Variants in DENND1A observed in about 807,000 individuals in gnomAD.
The protein encoded by DENND1A is DENN domain-containing protein 1A.
DENND1A carries 51 observed loss-of-function variants against 113.7 expected under a neutral mutation model. The observed-to-expected ratio is 0.45, with a 90% confidence interval of 0.36 to 0.57. The LOEUF is 0.57. DENND1A is among the 20% of genes least tolerant of loss of function. The pLI, the probability that DENND1A is intolerant of heterozygous loss-of-function variation, is 0.00. For synonymous variants in DENND1A, 565 were observed against 570.8 expected (o/e 0.99, Z 0.14); for missense variants, 1,258 against 1,395.9 (o/e 0.90, Z 1.57).
chr9:123,667,447 T>A (rs2063545656), intron 7 of DENND1A, among the ~76,000 whole-genome samples: 1 of 152,222 alleles, frequency 6.6e-6, no homozygotes, highest in African/African-American at 2.4e-5. Context: ...AAACCCCGTT[T>A]ATACTGAAAA....
chr9:123,448,373 G>A lies in DENND1A; in HGVS notation c.1356+2320C>T, dbSNP rs115720129. ...GGCCAGAGGCTTGCACATACAAGTA[G>A]GGAGGTAAGGTGATGTCTGTAGCTT... On this transcript the variant is annotated intron_variant, in intron 18 of 23. Coordinates refer to ENST00000394215, the MANE Select transcript of DENND1A (RefSeq NM_001352964.2). 7.3e-3 allele frequency among the ~76,000 whole-genome samples: 1,116 copies of A among 152,332 alleles called. 13 individuals are homozygous for A. Among genetic ancestry groups the A allele is most frequent in the African/African-American group, 0.025 (1,053 of 41,566 alleles).
At position 123,395,234 on chromosome 9, in the gene DENND1A, C is replaced by T. The variant is rs543412523; in HGVS notation, c.1632-7376G>A. On this transcript the variant is annotated intron_variant, in intron 21 of 23. Coordinates refer to ENST00000394215, the MANE Select transcript of DENND1A (RefSeq NM_001352964.2). ...TCCCCAAGGCTTGGTTTCCAGTTAA[C>T]TCCCTGTGGTGACAGCTCCTGGGAA... 5.9e-5 allele frequency among the ~76,000 whole-genome samples: 9 copies of T among 152,260 alleles called. No individual in the cohort carries two copies. The South Asian group carries it at 1.9e-3, about 32-fold the overall frequency.
At chr9:123,612,102 A>G (rs975561364) in intron 10 of DENND1A, among the ~76,000 whole-genome samples, 2 of 152,234 alleles carry the variant, frequency 1.3e-5, no homozygotes, top group Admixed American at 6.5e-5. Context: ...TTTTGTATGA[A>G]TGCAAATTTG....
chr9:123,462,962 T>TCGTC (rs2048648818), intron 13 of DENND1A, among the ~76,000 whole-genome samples: 1 of 152,108 alleles, frequency 6.6e-6, no homozygotes, highest in South Asian at 2.1e-4. Context: ...TCCCACCAGC[T>TCGTC]CGTCCACCTG....
chr9:123,719,767 T>C (rs557876081), intron 5 of DENND1A, among the ~76,000 whole-genome samples: 81 of 152,344 alleles, frequency 5.3e-4, no homozygotes, highest in Non-Finnish European at 9.8e-4. Context: ...GGTACTTCTA[T>C]AGAATATTTT....
At chr9:123,515,343 G>A (rs1315742550) in intron 13 of DENND1A, among the ~76,000 whole-genome samples, 7 of 152,136 alleles carry the variant, frequency 4.6e-5, no homozygotes, top group African/African-American at 1.4e-4. Flanking sequence ...TCTTGAGAAC[G>A]ATAATGGCTT....
intron 1 of DENND1A, among the ~76,000 whole-genome samples, chr9:123,929,669 G>A (rs530779515): frequency 6.6e-6 from 1 of 151,888 alleles, no homozygotes; most frequent in African/African-American, 2.4e-5. Context: ...AGGTGAGGAG[G>A]GGACACCTGA....
At chr9:123,485,540 C>T (rs1247582885) in intron 13 of DENND1A, 3 of 152,148 alleles carry the variant, frequency 2.0e-5, no homozygotes, top group Middle Eastern at 3.4e-3. Flanking sequence ...AGGGCTCCCC[C>T]ACCTGAGTAC....
At chr9:123,761,114 ACT>A (rs1160250748) in intron 4 of DENND1A, among the ~76,000 whole-genome samples, 1 of 152,156 alleles carries the variant, frequency 6.6e-6, no homozygotes, top group Non-Finnish European at 1.5e-5. Context: ...TTAATTTCCT[ACT>A]CTCTTTTTAT....
At chr9:123,828,653 A>G (rs2132725456) in intron 2 of DENND1A, among the ~76,000 whole-genome samples, 1 of 151,388 alleles carries the variant, frequency 6.6e-6, no homozygotes, top group African/African-American at 2.4e-5. Context: ...AAAAAAAAAG[A>G]AAAAAAAATT....
In DENND1A at chr9:123,381,978, C is replaced by T. The variant is rs1270814111; in HGVS notation, c.2667G>A (p.Gln889=). 20 of 1,436,396 alleles carry T rather than the reference C, an allele frequency of 1.4e-5. No homozygotes were observed. In the Middle Eastern group the frequency reaches 1.7e-3, roughly 119 times the overall value. 89.0% of individuals were successfully genotyped at this position (1,436,396 alleles called of 1,614,324 possible). A position where few individuals can be genotyped will look rare whatever the true frequency, so the allele number is the denominator to read the frequency against. Residue 889 remains glutamine, a synonymous_variant, in exon 24 of 24, where the codon CAG becomes CAA. Transcript: ENST00000394215. This position sits in a 1 kb window ranked among gnomAD's most constrained non-coding sequence, Gnocchi z 4.7. ...PPAGTPTPFP[Q]PPLNPFVPSM... ...ATGGGACAAAGGGGTTGAGTGGTGGCTGTGGGAATGGGGTGGGTGTCCCTG... is the reference window on the plus strand; with the variant it reads ...ATGGGACAAAGGGGTTGAGTGGTGGTTGTGGGAATGGGGTGGGTGTCCCTG...
At chr9:123,638,969 C>T (rs2061863302) in intron 9 of DENND1A, among the ~76,000 whole-genome samples, 1 of 135,142 alleles carries the variant, frequency 7.4e-6, no homozygotes. Flanking sequence ...GAGTACCTAT[C>T]TGTCAGGTAC....
intron 19 of DENND1A, among the ~76,000 whole-genome samples, chr9:123,431,812 T>G (rs1235763532): frequency 6.6e-6 from 1 of 152,092 alleles, no homozygotes; most frequent in East Asian, 1.9e-4. Flanking sequence ...ACACTACTCT[T>G]AGGCCATCCC....
Position 123,686,410 on chromosome 9 carries a change from T to C in DENND1A, c.303-9621A>G, listed in dbSNP as rs577020462. Among the ~76,000 whole-genome samples the C allele has an allele frequency of 2.0e-5, 3 of 152,344 alleles. No homozygotes were observed. In the East Asian group the frequency reaches 5.8e-4, roughly 29 times the overall value. On this transcript the variant is annotated intron_variant, in intron 5 of 23. Transcript: ENST00000394215. ...TCCTGAGATTAGGATATAAAATCCT[T>C]ACCTTGTGGTTCTCACTGTAGTGCT...
intron 21 of DENND1A, among the ~76,000 whole-genome samples, chr9:123,396,394 G>A (rs2043141297): frequency 6.6e-6 from 1 of 152,240 alleles, no homozygotes; most frequent in South Asian, 2.1e-4. Context: ...CAGTGGGGCT[G>A]TGCAGGAGGG....
At chr9:123,549,862 T>C (rs1446338820) in intron 13 of DENND1A, among the ~76,000 whole-genome samples, 3 of 152,158 alleles carry the variant, frequency 2.0e-5, no homozygotes, top group African/African-American at 7.2e-5. Flanking sequence ...TAAAAATCAG[T>C]GGGACTATGG....
intron 13 of DENND1A, among the ~76,000 whole-genome samples, chr9:123,495,942 A>G (rs1269024533): frequency 6.6e-6 from 1 of 152,256 alleles, no homozygotes; most frequent in Admixed American, 6.5e-5. Flanking sequence ...CATATTAATG[A>G]AATGCAATCC....
chr9:123,772,542 A>C (rs1829895173), intron 3 of DENND1A, among the ~76,000 whole-genome samples: 1 of 152,182 alleles, frequency 6.6e-6, no homozygotes, highest in Non-Finnish European at 1.5e-5. Flanking sequence ...TGCAACTTCA[A>C]CTACTGCCAC....
intron 1 of DENND1A, among the ~76,000 whole-genome samples, chr9:123,904,015 C>A (rs1852259942): frequency 1.3e-5 from 2 of 152,012 alleles, no homozygotes; most frequent in Admixed American, 1.3e-4. Context: ...CAGCACACAG[C>A]TGGAGATCTG....
Sources: allele counts gnomAD v4.1 joint callset (sites outside exome capture counted in the v4.1 genomes callset), GRCh38; gene constraint gnomAD v4.1.1; non-coding constraint Gnocchi (gnomAD v3.1); transcripts MANE v1.5; gene names NCBI Gene and HGNC (gene_info 2026-07-23, HGNC 2026-07-21).